The following GRID1 variants were observed in gnomAD, a reference collection of about 807,000 sequenced individuals.
GRID1 encodes glutamate ionotropic receptor delta type subunit 1.
Under a neutral mutation model 98.0 loss-of-function variants are expected in GRID1, and 28 were observed. The observed-to-expected ratio is 0.29, with a 90% confidence interval of 0.21 to 0.39. The LOEUF (loss-of-function observed/expected upper bound fraction) is 0.39, where lower values mean the gene tolerates loss of function less well. Among genes scored for constraint, GRID1 ranks in the 10% least tolerant of loss-of-function variants. The pLI is 1.00. For synonymous variants in GRID1, 553 were observed against 538.5 expected, an observed-to-expected ratio of 1.03 and a Z score of -0.37; for missense variants, 1,111 against 1,340.5, an observed-to-expected ratio of 0.83 and a Z score of 2.67.
In GRID1 at chr10:85,837,398, C is replaced by A. The variant is rs73332689; in HGVS notation, c.1233+17098G>T. On this transcript the variant is annotated intron_variant, in intron 8 of 15. Transcript: ENST00000327946. ...CCCACAGTGAGGCTGGCACCCCTGC[C>A]CATGCTAACACTCTGTTGCAGCTGT... Among the ~76,000 whole-genome samples, 867 of 152,270 alleles carry A rather than the reference C, an allele frequency of 5.7e-3. 8 individuals carry two copies. Among genetic ancestry groups the A allele is most frequent in the African/African-American group, 0.02 (815 of 41,534 alleles).
intron 4 of GRID1, among the ~76,000 whole-genome samples, chr10:86,083,269 G>A (rs781212171): frequency 5.9e-5 from 9 of 152,204 alleles, no homozygotes; most frequent in South Asian, 2.1e-4. Context: ...CAGGGCTCTC[G>A]TAGCGGTTGA....
chr10:86,211,401 G>T (rs116994264), intron 2 of GRID1, among the ~76,000 whole-genome samples: 1 of 152,156 alleles, frequency 6.6e-6, no homozygotes, highest in African/African-American at 2.4e-5. Flanking sequence ...TGTAATGAGC[G>T]GCTTCCAGCC....
chr10:86,318,798 G>A (rs748482), intron 2 of GRID1, among the ~76,000 whole-genome samples: 5 of 152,020 alleles, frequency 3.3e-5, no homozygotes, highest in East Asian at 1.9e-4. Context: ...GTCACCAAGC[G>A]CTTAAGATTC....
intron 4 of GRID1, among the ~76,000 whole-genome samples, chr10:85,959,587 T>A (rs1233514787): frequency 7.1e-6 from 1 of 140,568 alleles, no homozygotes; most frequent in Non-Finnish European, 1.5e-5. Context: ...CAAGATCAGA[T>A]TCACTTTTTC....
At chr10:85,873,659 T>A (rs1843300756) in intron 5 of GRID1, among the ~76,000 whole-genome samples, 2 of 152,234 alleles carry the variant, frequency 1.3e-5, no homozygotes, top group South Asian at 4.1e-4. Flanking sequence ...TAGTGTAGCG[T>A]AACCCAAATA....
chr10:86,306,099 G>A (rs192558665), intron 2 of GRID1, among the ~76,000 whole-genome samples: 1 of 152,354 alleles, frequency 6.6e-6, no homozygotes, highest in East Asian at 1.9e-4. Context: ...TGGATGCAGA[G>A]AGGAGGAAAA....
At chr10:86,228,736 C>G (rs974517794) in intron 2 of GRID1, among the ~76,000 whole-genome samples, 1 of 79,622 alleles carries the variant, frequency 1.3e-5, no homozygotes, top group Non-Finnish European at 3.8e-5. Context: ...GAGACACCCA[C>G]ACACACACAT....
intron 3 of GRID1, among the ~76,000 whole-genome samples, chr10:86,153,906 T>A (rs908516110): frequency 6.6e-6 from 1 of 152,144 alleles, no homozygotes; most frequent in Non-Finnish European, 1.5e-5. Context: ...AGGCAGGGTA[T>A]TATCTTAAAA....
chr10:86,125,869 C>T (rs367915563), intron 4 of GRID1, among the ~76,000 whole-genome samples: 4 of 152,068 alleles, frequency 2.6e-5, no homozygotes, highest in Non-Finnish European at 4.4e-5. Context: ...TCTACTTTAC[C>T]GTAAGAATAT....
chr10:86,033,977 C>T (rs1397970005), intron 4 of GRID1, among the ~76,000 whole-genome samples: 2 of 152,212 alleles, frequency 1.3e-5, no homozygotes, highest in African/African-American at 4.8e-5. Flanking sequence ...TGTGTCTACA[C>T]TTGGATTCAT....
At chr10:86,210,551 T>C (rs1846093633) in intron 2 of GRID1, among the ~76,000 whole-genome samples, 2 of 152,352 alleles carry the variant, frequency 1.3e-5, no homozygotes, top group Admixed American at 6.5e-5. Flanking sequence ...ACCAAAGTCA[T>C]GCCCAGGATC....
intron 10 of GRID1, among the ~76,000 whole-genome samples, chr10:85,725,839 C>T (rs1328826652): frequency 6.6e-6 from 1 of 152,188 alleles, no homozygotes; most frequent in African/African-American, 2.4e-5. Context: ...GGAAGTGACC[C>T]TATCAACACT....
chr10:85,876,064 T>C (rs1375799737), intron 5 of GRID1, among the ~76,000 whole-genome samples: 4 of 152,242 alleles, frequency 2.6e-5, no homozygotes, highest in Non-Finnish European at 4.4e-5. Flanking sequence ...TATTTTCTCT[T>C]AGACATGGAA....
At chr10:85,930,518 C>A (rs1841836060) in intron 4 of GRID1, among the ~76,000 whole-genome samples, 1 of 152,010 alleles carries the variant, frequency 6.6e-6, no homozygotes, top group Non-Finnish European at 1.5e-5. Flanking sequence ...CTTGTGTGGA[C>A]CAGTTGGTCT....
At chr10:85,925,558 G>A (rs1251002986) in intron 4 of GRID1, among the ~76,000 whole-genome samples, 1 of 152,182 alleles carries the variant, frequency 6.6e-6, no homozygotes, top group Non-Finnish European at 1.5e-5. Context: ...TCCAGCTTCA[G>A]GTGATTTTCA....
chr10:85,762,884 C>G (rs770092047), intron 8 of GRID1, among the ~76,000 whole-genome samples: 15 of 152,194 alleles, frequency 9.9e-5, no homozygotes, highest in African/African-American at 3.6e-4. Flanking sequence ...AGGAGACAGA[C>G]AGGAGGCCCC....
At chr10:85,741,275 A>C (rs1841940531) in intron 8 of GRID1, among the ~76,000 whole-genome samples, 1 of 152,120 alleles carries the variant, frequency 6.6e-6, no homozygotes, top group African/African-American at 2.4e-5. Flanking sequence ...GAGTGGTTGA[A>C]AGTTCCTGGG....
intron 5 of GRID1, among the ~76,000 whole-genome samples, chr10:85,881,828 T>A (rs1195167218): frequency 2.0e-5 from 3 of 151,914 alleles, no homozygotes; most frequent in African/African-American, 7.2e-5. Context: ...ACCATCAGAG[T>A]GAACAGGCAA....
At chr10:86,173,362 A>C (rs1212585646) in intron 3 of GRID1, among the ~76,000 whole-genome samples, 3 of 152,184 alleles carry the variant, frequency 2.0e-5, no homozygotes, top group Non-Finnish European at 4.4e-5. Context: ...TTCTAAATGC[A>C]ATGCCATAAG....
Sources: gnomAD v4.1 joint callset for allele counts (sites outside exome capture counted in the v4.1 genomes callset) on GRCh38, gnomAD v4.1.1 for gene constraint, MANE v1.5 for transcripts, NCBI Gene and HGNC (gene_info 2026-07-23, HGNC 2026-07-21) for gene names.